The following DCUN1D3 variants were observed in gnomAD, a reference collection of about 807,000 sequenced individuals.
DCUN1D3 encodes defective in cullin neddylation 1 domain containing 3, also known as DCN1-like protein 3.
Under a neutral mutation model 24.8 loss-of-function variants are expected in DCUN1D3, and 6 were observed. That is an observed-to-expected ratio of 0.24 (90% confidence interval 0.13 to 0.48). The LOEUF (loss-of-function observed/expected upper bound fraction) is 0.48, where lower values mean the gene tolerates loss of function less well. DCUN1D3 is among the 20% of genes least tolerant of loss of function. The probability of loss-of-function intolerance (pLI) is 0.99; values close to 1 mark genes in which losing one functional copy is unlikely to be tolerated. For synonymous variants in DCUN1D3, 120 were observed against 144.9 expected, an observed-to-expected ratio of 0.83 and a Z score of 1.24; for missense variants, 258 against 379.4, an observed-to-expected ratio of 0.68 and a Z score of 2.66.
At position 20,860,348 on chromosome 16, in the gene DCUN1D3, G is replaced by A. The variant is rs1226210605; in HGVS notation, c.453C>T (p.Cys151=). 1 of 1,610,402 alleles carries A rather than the reference G, an allele frequency of 6.2e-7. No individual in the cohort carries two copies. Among genetic ancestry groups the A allele is most frequent in the Non-Finnish European group, 8.5e-7 (1 of 1,178,012 alleles). Residue 151 remains cysteine, a synonymous_variant, in exon 3 of 3, where the codon TGC becomes TGT. Transcript: ENST00000324344. The surrounding 1 kb of genome is among the most constrained non-coding windows in gnomAD (Gnocchi z 4.3). ...CAATGCTGTCTGCACTTATTGCTTT[G>A]CAGCCATCAAAAAACTCCTTCCTGC... The part of the protein sequence containing the change: ...KFTRKEFFDG[C]KAISADSIDG...
At chr16:20,882,111 C>T (rs929601805) in intron 1 of DCUN1D3, among the ~76,000 whole-genome samples, 1 of 150,204 alleles carries the variant, frequency 6.7e-6, no homozygotes, top group Non-Finnish European at 1.5e-5. Flanking sequence ...TAGTCTTATA[C>T]ACACTGTTAC....
intron 1 of DCUN1D3, among the ~76,000 whole-genome samples, chr16:20,885,924 C>T (rs966036686): frequency 2.6e-5 from 4 of 152,194 alleles, no homozygotes; most frequent in East Asian, 3.9e-4. Context: ...TTCTCCCACC[C>T]CAACAGAACA....
At chr16:20,888,279 T>C (rs926002765) in intron 1 of DCUN1D3, among the ~76,000 whole-genome samples, 39 of 152,200 alleles carry the variant, frequency 2.6e-4, no homozygotes, top group African/African-American at 8.4e-4. Context: ...TCGAATGTAC[T>C]ATCTTATTGA....
intron 1 of DCUN1D3, among the ~76,000 whole-genome samples, chr16:20,891,402 C>G (rs890229559): frequency 6.6e-6 from 1 of 152,208 alleles, no homozygotes; most frequent in Non-Finnish European, 1.5e-5. Context: ...TGTTAAATGT[C>G]AAGAGCCACT....
chr16:20,867,737 A>G (rs960910322), intron 1 of DCUN1D3, among the ~76,000 whole-genome samples: 6 of 152,268 alleles, frequency 3.9e-5, no homozygotes, highest in Admixed American at 3.9e-4. Context: ...GGAAGCCCCA[A>G]CTTACCCCAT....
chr16:20,882,160 T>C (rs558459167), intron 1 of DCUN1D3, among the ~76,000 whole-genome samples: 1 of 152,062 alleles, frequency 6.6e-6, no homozygotes, highest in East Asian at 1.9e-4. Context: ...TCTCTAGTCT[T>C]TCATGCCTTA....
intron 1 of DCUN1D3, among the ~76,000 whole-genome samples, chr16:20,873,928 T>G (rs1425593675): frequency 6.6e-6 from 1 of 152,116 alleles, no homozygotes. Context: ...AATCACCAAG[T>G]GGAAAGCAGT....
Position 20,859,885 on chromosome 16 carries a change from A to T in DCUN1D3, c.*1T>A. ...TTGCTGCTGCTCCTGGGACAGAGCC[A>T]CTAAGTCTGCTCCTCGGGACACAAG... On this transcript the variant is annotated 3_prime_UTR_variant, in exon 3 of 3. Coordinates refer to ENST00000324344, the MANE Select transcript of DCUN1D3 (RefSeq NM_173475.4). 1.9e-6 allele frequency: 3 copies of T among 1,602,920 alleles called. No homozygotes were observed. Among genetic ancestry groups the T allele is most frequent in the Non-Finnish European group, 2.6e-6 (3 of 1,172,638 alleles).
chr16:20,877,981 T>C (rs1220662815), intron 1 of DCUN1D3, among the ~76,000 whole-genome samples: 1 of 152,152 alleles, frequency 6.6e-6, no homozygotes, highest in African/African-American at 2.4e-5. Flanking sequence ...ATTTTTATTT[T>C]TGTACAGACA....
chr16:20,856,698 G>C lies in DCUN1D3; in HGVS notation c.*3188C>G, dbSNP rs1367294133. On this transcript the variant is annotated 3_prime_UTR_variant, in exon 3 of 3. Transcript: ENST00000324344. Reference sequence around the variant, plus strand: ...TAGCAAAGCCCCTTACAGGAGGTGGGGTTAAGAACGATACATTGAGATTTG... The same window carrying C: ...TAGCAAAGCCCCTTACAGGAGGTGGCGTTAAGAACGATACATTGAGATTTG... The C allele has an allele frequency of 2.6e-5, 4 of 152,134 alleles. No homozygotes were observed. Among genetic ancestry groups the C allele is most frequent in the Non-Finnish European group, 1.5e-5 (1 of 68,038 alleles). The allele number at this position is 152,134 out of a possible 1,614,324, so 9.4% of individuals were successfully genotyped here.
intron 1 of DCUN1D3, among the ~76,000 whole-genome samples, chr16:20,864,280 T>A (rs1050017468): frequency 6.6e-6 from 1 of 152,088 alleles, no homozygotes; most frequent in African/African-American, 2.4e-5. Context: ...TATAAGGAAC[T>A]TAAATTTACA....
At chr16:20,883,269 T>G (rs1178093395) in intron 1 of DCUN1D3, among the ~76,000 whole-genome samples, 2 of 152,194 alleles carry the variant, frequency 1.3e-5, no homozygotes, top group African/African-American at 4.8e-5. Context: ...TCCCAGCACT[T>G]TGGGAGGCCG....
intron 1 of DCUN1D3, among the ~76,000 whole-genome samples, chr16:20,872,688 T>C (rs1483398503): frequency 6.6e-6 from 1 of 151,988 alleles, no homozygotes; most frequent in Non-Finnish European, 1.5e-5. Flanking sequence ...TTCAAAAGTA[T>C]TACATAATTA....
At chr16:20,862,068 T>C (rs1165591138) in intron 2 of DCUN1D3, 40 bp downstream of exon 2, 1 of 1,600,350 alleles carries the variant, frequency 6.2e-7, no homozygotes, top group Admixed American at 1.7e-5. Flanking sequence ...TTCCCTTTCC[T>C]CCACTGCTCA....
In DCUN1D3 at chr16:20,860,839, C is replaced by T. The variant is rs535621186; in HGVS notation, c.432-470G>A. Among the ~76,000 whole-genome samples, 1 of 152,234 alleles carries T rather than the reference C, an allele frequency of 6.6e-6. No homozygotes were observed. Among genetic ancestry groups the T allele is most frequent in the Non-Finnish European group, 1.5e-5 (1 of 68,012 alleles). On this transcript the variant is annotated intron_variant, in intron 2 of 2. Coordinates refer to ENST00000324344, the MANE Select transcript of DCUN1D3 (RefSeq NM_173475.4). The surrounding 1 kb of genome is among the most constrained non-coding windows in gnomAD (Gnocchi z 4.3). ...GACTTCTGGAGCCAAGGATTCTGAA[C>T]CTGAGTAATTCTACCACCAGAGATC...
chr16:20,884,419 A>C (rs575801642), intron 1 of DCUN1D3, among the ~76,000 whole-genome samples: 5 of 152,136 alleles, frequency 3.3e-5, no homozygotes, highest in Non-Finnish European at 7.4e-5. Context: ...CCCCTTTCAG[A>C]ATGTATCCAG....
chr16:20,884,066 A>T (rs1302773425), intron 1 of DCUN1D3, among the ~76,000 whole-genome samples: 1 of 152,230 alleles, frequency 6.6e-6, no homozygotes, highest in Admixed American at 6.5e-5. Context: ...GGAACATGTA[A>T]GAATGGCTTG....
At chr16:20,864,634 T>C (rs377541378) in intron 1 of DCUN1D3, among the ~76,000 whole-genome samples, 54 of 152,160 alleles carry the variant, frequency 3.5e-4, no homozygotes, top group African/African-American at 1.3e-3. Flanking sequence ...GCAATCCCAT[T>C]ACTGGGCATA....
intron 1 of DCUN1D3, among the ~76,000 whole-genome samples, chr16:20,895,024 A>G: frequency 6.6e-6 from 1 of 152,216 alleles, no homozygotes; most frequent in East Asian, 1.9e-4. Flanking sequence ...ACCTAATAAC[A>G]ATACAACAAT....
Sources: allele counts gnomAD v4.1 joint callset (sites outside exome capture counted in the v4.1 genomes callset), GRCh38; gene constraint gnomAD v4.1.1; non-coding constraint Gnocchi (gnomAD v3.1); transcripts MANE v1.5; gene names NCBI Gene and HGNC (gene_info 2026-07-23, HGNC 2026-07-21).